TPR: variants seen among roughly 807,000 people sequenced by gnomAD.
TPR encodes the protein nucleoprotein TPR.
TPR carries 51 observed loss-of-function variants against 316.1 expected under a neutral mutation model. That is an observed-to-expected ratio of 0.16 (90% CI 0.13 to 0.20). The LOEUF is 0.20. Ranked by LOEUF, TPR falls within the 10% of genes least tolerant of loss-of-function variation. The pLI is 1.00. For missense variants in TPR, 2,272 were observed against 2,754.8 expected, an observed-to-expected ratio of 0.82 and a Z score of 3.92; for synonymous variants, 981 against 914.7, an observed-to-expected ratio of 1.07 and a Z score of -1.31.
chr1:186,355,644 G>A lies in TPR; in HGVS notation c.2013C>T (p.Ala671=). The change falls in exon 16 of 51, where the codon GCC becomes GCT. Residue 671 remains alanine, a synonymous_variant. Transcript: ENST00000367478. ...AAGGTGTGATCTTTACCTGTTTAAGGGCAGCCTTAGCCTCTATAGCCTCTG... is the reference window on the plus strand; with the variant it reads ...AAGGTGTGATCTTTACCTGTTTAAGAGCAGCCTTAGCCTCTATAGCCTCTG... ...ESTEAIEAKA[A]LKQLQEIFEN... is the part of the protein sequence containing the mutation. 6.2e-7 allele frequency: 1 copy of A among 1,614,012 alleles called. No homozygotes were observed. Among genetic ancestry groups the A allele is most frequent in the South Asian group, 1.1e-5 (1 of 91,070 alleles).
chr1:186,365,102 C>CTTTTTTT (rs61369492), intron 4 of TPR, among the ~76,000 whole-genome samples: 44,237 of 136,606 alleles, frequency 0.32, 8,040 homozygotes, highest in Non-Finnish European at 0.37. Context: ...AGGGGCTGCC[C>CTTTTTTT]TTTTTTTTTT....
Position 186,312,122 on chromosome 1 carries a change from G to T in TPR, c.*1849C>A. 2 of 1,529,840 alleles carry T rather than the reference G, an allele frequency of 1.3e-6. No individual in the cohort carries two copies. The highest frequency in any genetic ancestry group is 1.8e-6 in the Non-Finnish European group (2 of 1,106,214). The allele number at this position is 1,529,840 out of a possible 1,614,324, so 94.8% of individuals were successfully genotyped here. A position where few individuals can be genotyped will look rare whatever the true frequency, so the allele number is the denominator to read the frequency against. ...GTAAAAGTTGTTTTCCACCTTTTCT[G>T]AGGGTATTAAAATTAATTTTCATTT... On this transcript the variant is annotated 3_prime_UTR_variant, in exon 51 of 51. Transcript: ENST00000367478.
intron 50 of TPR, 42 bp from the exon 51 acceptor site, chr1:186,314,068 A>G (rs1657483170): frequency 6.4e-7 from 1 of 1,566,140 alleles, no homozygotes; most frequent in African/African-American, 1.4e-5. Context: ...ATCTTTTAAG[A>G]ATTCAAAACT....
chr1:186,321,600 T>C (rs1657778584), intron 45 of TPR, among the ~76,000 whole-genome samples: 1 of 152,212 alleles, frequency 6.6e-6, no homozygotes, highest in East Asian at 1.9e-4. Flanking sequence ...AATAAACTAA[T>C]GCATGAAAAT....
chr1:186,330,734 G>T (rs1658135990), intron 39 of TPR, among the ~76,000 whole-genome samples: 1 of 152,016 alleles, frequency 6.6e-6, no homozygotes, highest in African/African-American at 2.4e-5. Flanking sequence ...TGAGCAAAAT[G>T]ATATCACTAA....
intron 39 of TPR, among the ~76,000 whole-genome samples, chr1:186,331,220 T>C (rs1034392544): frequency 9.9e-5 from 15 of 151,982 alleles, no homozygotes; most frequent in Non-Finnish European, 2.1e-4. Context: ...TTCATGTAAT[T>C]AAAATAGGGA....
At chr1:186,337,211 TTC>T in intron 31 of TPR, 55 bp from the exon 32 acceptor site, 2 of 1,530,260 alleles carry the variant, frequency 1.3e-6, no homozygotes, top group Non-Finnish European at 1.8e-6. Flanking sequence ...GTAATTCCAT[TTC>T]TGCAAGTTTG....
intron 42 of TPR, among the ~76,000 whole-genome samples, chr1:186,324,569 T>C (rs962974312): frequency 2.6e-5 from 4 of 152,214 alleles, no homozygotes; most frequent in Non-Finnish European, 4.4e-5. Context: ...AGATCCTTGC[T>C]CTAATACTTA....
intron 4 of TPR, among the ~76,000 whole-genome samples, chr1:186,366,983 T>C (rs1659363794): frequency 6.9e-6 from 1 of 145,584 alleles, no homozygotes; most frequent in Non-Finnish European, 1.5e-5. Context: ...TATAATGATA[T>C]AAATATCTGA....
Position 186,343,362 on chromosome 1 carries a change from C to A in TPR, c.3714G>T (p.Leu1238=). Residue 1238 remains leucine, a synonymous_variant, in exon 27 of 51, where the codon CTG becomes CTT. Transcript: ENST00000367478. ...VELLERELQE[L]QDSLNAEREK... ...CCCTTTCAGCATTTAGACTATCTTG[C>A]AGTTCCTGCAGCTCTCTTTCTAAAA... 1 of 1,613,954 alleles carries A rather than the reference C, an allele frequency of 6.2e-7. No individual in the cohort carries two copies. Among genetic ancestry groups the A allele is most frequent in the South Asian group, 1.1e-5 (1 of 91,068 alleles).
At chr1:186,334,624 G>C in intron 35 of TPR, 91 bp from the exon 36 acceptor site, 4 of 1,327,414 alleles carry the variant, frequency 3.0e-6, no homozygotes, top group Admixed American at 2.3e-5. Flanking sequence ...CCATTTTTTT[G>C]TTCACTAAAT....
intron 40 of TPR, among the ~76,000 whole-genome samples, chr1:186,327,192 T>A (rs191391817): frequency 0.71 from 304 of 430 alleles, 143 homozygotes; most frequent in East Asian, 1. Flanking sequence ...TAAATATATA[T>A]TATATATTTA....
At chr1:186,360,624 T>TA in intron 10 of TPR, 141 bp downstream of exon 10, 1 of 1,177,766 alleles carries the variant, frequency 8.5e-7, no homozygotes, top group East Asian at 2.6e-5. Context: ...GTATTAATTT[T>TA]AAAACAAATT....
rs1488298196 is a variant in TPR, at chr1:186,317,510, G to T, written c.6912C>A (p.Ser2304Arg). ...CAGATGAGCTAGAAGGAGGATCCTG[G>T]CTGGTGGAGGGGAGATCTGACTCAT... Reference protein sequence around the residue: ...ASDESDLPSTSQDPPSSSSVD... With the variant: ...ASDESDLPSTRQDPPSSSSVD... Residue 2304 changes from serine to arginine, a missense_variant, in exon 49 of 51, where the codon AGC becomes AGA. Physicochemically the swap from Ser to Arg is moderately radical, Grantham distance 110. Transcript: ENST00000367478. The T allele has an allele frequency of 6.2e-7, 1 of 1,614,000 alleles. No individual in the cohort carries two copies. The highest frequency in any genetic ancestry group is 8.5e-7 in the Non-Finnish European group (1 of 1,180,018).
At chr1:186,372,228 C>T (rs776399873) in intron 2 of TPR, among the ~76,000 whole-genome samples, 2 of 152,196 alleles carry the variant, frequency 1.3e-5, no homozygotes, top group Non-Finnish European at 2.9e-5. Flanking sequence ...CTCCATCAAT[C>T]AAATTAAAAT....
chr1:186,349,441 C>T (rs1463716862), intron 21 of TPR, among the ~76,000 whole-genome samples: 2 of 151,824 alleles, frequency 1.3e-5, no homozygotes, highest in African/African-American at 4.8e-5. Flanking sequence ...AGCACAAGGT[C>T]AGGAGATCGA....
rs934693025 is a variant in TPR, at chr1:186,314,698, A to G, written c.6967T>C (p.Phe2323Leu). 3 of 1,612,654 alleles carry G rather than the reference A, an allele frequency of 1.9e-6. No individual in the cohort carries two copies. In the African/African-American group the frequency reaches 4.0e-5, roughly 22 times the overall value. ...GTTGTCTGAAGTCTTACTCGTCTGA[A>G]AGGCTTTGGTTGACTACTACTAGTA... ...VDTSSSQPKP[F>L]RRVRLQTTLR... The change falls in exon 50 of 51, where the codon TTC becomes CTC. Residue 2323 changes from phenylalanine to leucine, a missense_variant. By Grantham distance (22) the Phe-to-Leu change is conservative. This residue lies in a region of TPR where 123 missense variants were observed against 142.3 expected (regional missense o/e 0.86). Transcript: ENST00000367478.
In TPR at chr1:186,327,647, C is replaced by T. The variant is rs1199530533; in HGVS notation, c.5702G>A (p.Gly1901Glu). 2.0e-5 allele frequency: 32 copies of T among 1,612,844 alleles called. No individual in the cohort carries two copies. Among genetic ancestry groups the T allele is most frequent in the Non-Finnish European group, 2.5e-5 (29 of 1,179,648 alleles). ...ACTGTCTTCCATAGGTGTATAATCTCCCTGGGTAACTCCCTTTAAAAATAA... is the reference window on the plus strand; with the variant it reads ...ACTGTCTTCCATAGGTGTATAATCTTCCTGGGTAACTCCCTTTAAAAATAA... The part of the protein sequence containing the change: ...QDSIGEGVTQ[G>E]DYTPMEDSEE... The change falls in exon 40 of 51, where the codon GGA (glycine) becomes GAA (glutamate). Residue 1901 changes from glycine (G) to glutamate (E), a missense_variant. Gly to Glu is a moderately conservative substitution (Grantham distance 98). This residue lies in a region of TPR where 435 missense variants were observed against 461.1 expected (regional missense o/e 0.94). Transcript: ENST00000367478.
intron 20 of TPR, among the ~76,000 whole-genome samples, chr1:186,350,590 T>A (rs1034308189): frequency 6.6e-6 from 1 of 151,572 alleles, no homozygotes; most frequent in Non-Finnish European, 1.5e-5. Flanking sequence ...GAGGTGAACC[T>A]TAGATTGCCT....
Sources: allele counts gnomAD v4.1 joint callset (sites outside exome capture counted in the v4.1 genomes callset), GRCh38; gene constraint gnomAD v4.1.1; regional missense constraint gnomAD v4.1.1; transcripts MANE v1.5; gene names NCBI Gene and HGNC (gene_info 2026-07-23, HGNC 2026-07-21).